Variants in SNTG1 observed in about 807,000 individuals in gnomAD.
The protein encoded by SNTG1 is gamma-1-syntrophin.
Under a neutral mutation model 74.7 loss-of-function variants are expected in SNTG1, and 39 were observed. The ratio of observed to expected loss-of-function variants is 0.52; its 90% CI spans 0.40 to 0.68. SNTG1 has a LOEUF of 0.68. Among genes scored for constraint, SNTG1 ranks in the 30% least tolerant of loss-of-function variants. SNTG1 has a pLI of 0.00. For missense variants in SNTG1, 685 were observed against 609.5 expected, an observed-to-expected ratio of 1.12 and a Z score of -1.30; for synonymous variants, 254 against 217.1, an observed-to-expected ratio of 1.17 and a Z score of -1.49.
intron 4 of SNTG1, among the ~76,000 whole-genome samples, chr8:50,427,127 T>C (rs566016839): frequency 2.6e-5 from 4 of 152,084 alleles, no homozygotes; most frequent in Non-Finnish European, 4.4e-5. Context: ...TATATAGATA[T>C]AAAATTTCTT....
chr8:50,003,604 GA>G (rs149813075), intron 1 of SNTG1, among the ~76,000 whole-genome samples: 190 of 152,216 alleles, frequency 1.2e-3, no homozygotes, highest in African/African-American at 4.5e-3. Flanking sequence ...ATTACAGTGC[GA>G]AATTTACTTT....
chr8:50,670,443 T>G (rs1423621173), intron 15 of SNTG1, among the ~76,000 whole-genome samples: 2 of 151,680 alleles, frequency 1.3e-5, no homozygotes, highest in Non-Finnish European at 2.9e-5. Flanking sequence ...CCATTCACAA[T>G]TGCTTCAAAG....
At chr8:49,929,946 T>G in intron 1 of SNTG1, among the ~76,000 whole-genome samples, 1 of 140,722 alleles carries the variant, frequency 7.1e-6, no homozygotes, top group Non-Finnish European at 1.5e-5. Flanking sequence ...AATTCCCACC[T>G]ATGAGTGAGT....
intron 1 of SNTG1, among the ~76,000 whole-genome samples, chr8:49,999,762 T>G (rs1814578654): frequency 6.6e-6 from 1 of 152,172 alleles, no homozygotes; most frequent in Non-Finnish European, 1.5e-5. Flanking sequence ...ACCGAGCCAG[T>G]GCTTCCTGTT....
rs540928566 is a variant in SNTG1, at chr8:50,199,149, A to T, written c.-28+26514A>T. Among the ~76,000 whole-genome samples, 80 of 151,928 alleles carry T rather than the reference A, an allele frequency of 5.3e-4. 2 individuals are homozygous for T. Among genetic ancestry groups the T allele is most frequent in the South Asian group, 1.5e-3 (7 of 4,808 alleles). On this transcript the variant is annotated intron_variant, in intron 2 of 18. Transcript: ENST00000642720. ...ATTTTTCTTTGCAGTGTTTTTTTTT[A>T]AAATCACAGTTTCTTGTGATTAGAC... is the stretch of plus-strand genomic sequence containing the variant.
At chr8:50,679,683 A>G (rs951381656) in intron 15 of SNTG1, among the ~76,000 whole-genome samples, 2 of 152,178 alleles carry the variant, frequency 1.3e-5, no homozygotes. Flanking sequence ...ATTTTACCTT[A>G]GTCCAAATAG....
chr8:50,074,585 C>A (rs1821658457), intron 1 of SNTG1, among the ~76,000 whole-genome samples: 1 of 152,122 alleles, frequency 6.6e-6, no homozygotes, highest in South Asian at 2.1e-4. Context: ...TGATTTGTGC[C>A]ACCCCAAAAT....
intron 1 of SNTG1, among the ~76,000 whole-genome samples, chr8:50,053,390 C>T (rs1195283207): frequency 6.6e-6 from 1 of 151,802 alleles, no homozygotes; most frequent in African/African-American, 2.4e-5. Flanking sequence ...TAAGCTAACC[C>T]ATAGAAATAT....
intron 2 of SNTG1, among the ~76,000 whole-genome samples, chr8:50,262,819 T>A (rs1380559416): frequency 6.6e-6 from 1 of 152,066 alleles, no homozygotes; most frequent in East Asian, 1.9e-4. Flanking sequence ...TCCAAATTAC[T>A]AAGTGAAAGA....
At chr8:50,056,239 T>C (rs1311263087) in intron 1 of SNTG1, among the ~76,000 whole-genome samples, 2 of 152,074 alleles carry the variant, frequency 1.3e-5, no homozygotes, top group Non-Finnish European at 2.9e-5. Flanking sequence ...AGACAATATG[T>C]CCTACTATGT....
At chr8:50,473,358 A>G (rs1025401345) in intron 8 of SNTG1, among the ~76,000 whole-genome samples, 1 of 151,786 alleles carries the variant, frequency 6.6e-6, no homozygotes, top group Non-Finnish European at 1.5e-5. Context: ...AGTCAATTAA[A>G]CCTCTTTCCC....
At chr8:50,649,325 C>A (rs2095129819) in intron 13 of SNTG1, among the ~76,000 whole-genome samples, 1 of 151,944 alleles carries the variant, frequency 6.6e-6, no homozygotes, top group African/African-American at 2.4e-5. Context: ...TGGTGAAACC[C>A]CCTCTCTACT....
chr8:50,516,526 T>C (rs1296841496), intron 9 of SNTG1, among the ~76,000 whole-genome samples: 1 of 152,054 alleles, frequency 6.6e-6, no homozygotes, highest in Middle Eastern at 3.2e-3. Context: ...CCTATCCCAA[T>C]GCAAGGAAGA....
intron 2 of SNTG1, among the ~76,000 whole-genome samples, chr8:50,327,079 T>C (rs2090779110): frequency 6.6e-6 from 1 of 152,130 alleles, no homozygotes; most frequent in African/African-American, 2.4e-5. Flanking sequence ...TCTGTTCTTT[T>C]AAATATTTTA....
intron 2 of SNTG1, among the ~76,000 whole-genome samples, chr8:50,187,877 A>G (rs544911557): frequency 2.6e-5 from 4 of 152,166 alleles, no homozygotes; most frequent in Non-Finnish European, 5.9e-5. Context: ...GAAAACAACC[A>G]GGCAGCTGGC....
intron 1 of SNTG1, among the ~76,000 whole-genome samples, chr8:50,022,738 G>A (rs1182844228): frequency 2.0e-5 from 3 of 152,156 alleles, no homozygotes; most frequent in Non-Finnish European, 4.4e-5. Flanking sequence ...ACATGGATTA[G>A]GAAATAGTGT....
intron 17 of SNTG1, among the ~76,000 whole-genome samples, chr8:50,742,674 C>T (rs1286617088): frequency 2.7e-5 from 4 of 150,344 alleles, no homozygotes; most frequent in Non-Finnish European, 5.9e-5. Flanking sequence ...AAGGTGAAAA[C>T]AATAAAGATT....
At chr8:50,628,949 C>A (rs1240040165) in intron 13 of SNTG1, among the ~76,000 whole-genome samples, 1 of 152,040 alleles carries the variant, frequency 6.6e-6, no homozygotes, top group East Asian at 1.9e-4. Context: ...CAGTGGTAAT[C>A]CATGGTCTGA....
intron 1 of SNTG1, among the ~76,000 whole-genome samples, chr8:49,970,860 G>T (rs1301179125): frequency 6.6e-6 from 1 of 152,118 alleles, no homozygotes; most frequent in Non-Finnish European, 1.5e-5. Flanking sequence ...GGACACCAGT[G>T]GTGCTATGAA....
Sources: allele counts gnomAD v4.1 joint callset (sites outside exome capture counted in the v4.1 genomes callset), GRCh38; gene constraint gnomAD v4.1.1; transcripts MANE v1.5; gene names NCBI Gene and HGNC (gene_info 2026-07-23, HGNC 2026-07-21).